The following BLTP1 variants were observed in gnomAD, a reference collection of about 807,000 sequenced individuals.
BLTP1 encodes the protein bridge-like lipid transfer protein family member 1.
the BLTP1 span, chr4:122,263,564 C>A: frequency 3.2e-5 from 52 of 1,611,904 alleles, no homozygotes; most frequent in South Asian, 5.2e-4. Flanking sequence ...ACAAGAATCT[C>A]CTGTTACAAA....
At chr4:122,163,245 A>C in the BLTP1 span, among the ~76,000 whole-genome samples, 5 of 152,202 alleles carry the variant, frequency 3.3e-5, no homozygotes, top group Non-Finnish European at 7.3e-5. Context: ...ATAGAAGTGA[A>C]TAAAGGGCAT....
At chr4:122,236,845 A>T in the BLTP1 span, 2 of 985,260 alleles carry the variant, frequency 2.0e-6, no homozygotes, top group Admixed American at 6.1e-5. Context: ...CCGAATTGCC[A>T]TAAGTTTCTT....
the BLTP1 span, among the ~76,000 whole-genome samples, chr4:122,327,098 G>GT: frequency 1.8e-5 from 1 of 55,810 alleles, no homozygotes; most frequent in Non-Finnish European, 4.1e-5. Context: ...GTCATAGGGG[G>GT]GTGTTTTGTT....
At chr4:122,352,800 C>T in the BLTP1 span, 2 of 1,394,526 alleles carry the variant, frequency 1.4e-6, no homozygotes, top group Non-Finnish European at 1.9e-6. Flanking sequence ...TGTTTTCATC[C>T]CTCACCTGAG....
chr4:122,202,899 T>A, the BLTP1 span, among the ~76,000 whole-genome samples: 5 of 152,040 alleles, frequency 3.3e-5, no homozygotes, highest in Admixed American at 6.6e-5. Context: ...GTTATTTTTT[T>A]AATAAAATTT....
chr4:122,354,674 T>C, the BLTP1 span, among the ~76,000 whole-genome samples: 2 of 151,172 alleles, frequency 1.3e-5, no homozygotes, highest in African/African-American at 2.4e-5. Context: ...CTTTTCTTTT[T>C]TTTTTTTTTT....
the BLTP1 span, among the ~76,000 whole-genome samples, chr4:122,278,260 C>T: frequency 2.2e-3 from 341 of 152,290 alleles, 6 homozygotes; most frequent in African/African-American, 7.6e-3. Context: ...TTTATTCCTT[C>T]GCTAATGAAC....
the BLTP1 span, chr4:122,309,560 T>C: frequency 8.1e-7 from 1 of 1,234,690 alleles, no homozygotes. Context: ...ATATAGCAAA[T>C]GTTTTTAGAC....
At chr4:122,184,633 C>G in the BLTP1 span, 3 of 914,874 alleles carry the variant, frequency 3.3e-6, no homozygotes, top group Non-Finnish European at 3.9e-6. Flanking sequence ...GAGGGAGACT[C>G]CGTCTCAAAA....
chr4:122,183,586 G>A, the BLTP1 span: 1 of 890,324 alleles, frequency 1.1e-6, no homozygotes, highest in East Asian at 1.2e-4. Context: ...ATAATACAAG[G>A]AGCACTGGAC....
chr4:122,226,791 A>G, the BLTP1 span: 1 of 1,613,268 alleles, frequency 6.2e-7, no homozygotes, highest in Non-Finnish European at 8.5e-7. Flanking sequence ...GAAATCAGTT[A>G]TAATATGTCA....
chr4:122,200,606 C>CA, the BLTP1 span: 20 of 870,256 alleles, frequency 2.3e-5, no homozygotes, highest in Non-Finnish European at 2.7e-5. Flanking sequence ...AAAAAAATGC[C>CA]AAACTGCAGA....
At chr4:122,246,384 A>G in the BLTP1 span, 1 of 1,231,042 alleles carries the variant, frequency 8.1e-7, no homozygotes, top group Non-Finnish European at 1.1e-6. Flanking sequence ...AACGTGAATA[A>G]TGGTAGAACA....
chr4:122,248,106 T>C, the BLTP1 span: 6 of 985,258 alleles, frequency 6.1e-6, no homozygotes, highest in Non-Finnish European at 7.2e-6. Context: ...TGTACCTGTT[T>C]TGACTTTCTC....
the BLTP1 span, among the ~76,000 whole-genome samples, chr4:122,352,506 T>C: frequency 1.3e-5 from 2 of 151,860 alleles, no homozygotes; most frequent in African/African-American, 4.8e-5. Flanking sequence ...ACTACAGGCG[T>C]GCTCCACCGC....
the BLTP1 span, chr4:122,315,838 C>T: frequency 1.4e-6 from 1 of 710,618 alleles, no homozygotes; most frequent in Non-Finnish European, 2.4e-6. Context: ...TTTCATAATA[C>T]TGTCTTTTAA....
the BLTP1 span, chr4:122,204,751 C>G: frequency 1.9e-6 from 1 of 529,864 alleles, no homozygotes; most frequent in East Asian, 1.5e-4. Context: ...TGGGCATTTC[C>G]CAAGTGTTAG....
the BLTP1 span, among the ~76,000 whole-genome samples, chr4:122,358,581 C>T: frequency 6.6e-6 from 1 of 152,186 alleles, no homozygotes; most frequent in Non-Finnish European, 1.5e-5. Flanking sequence ...AATTGTAGCA[C>T]TGTAACCACC....
At chr4:122,176,029 C>T in the BLTP1 span, 2,173 of 596,294 alleles carry the variant, frequency 3.6e-3, 37 homozygotes, top group African/African-American at 0.034. Context: ...AGGCCAGTCA[C>T]GGTGGCTTAT....
Sources: gnomAD v4.1 joint callset for allele counts (sites outside exome capture counted in the v4.1 genomes callset) on GRCh38, gnomAD v4.1.1 for gene constraint, MANE v1.5 for transcripts, NCBI Gene and HGNC (gene_info 2026-07-23, HGNC 2026-07-21) for gene names.